The following KIRREL3 variants were observed in gnomAD, a reference collection of about 807,000 sequenced individuals.
KIRREL3 encodes kirre like nephrin family adhesion molecule 3.
KIRREL3 carries 36 observed loss-of-function variants against 89.7 expected under a neutral mutation model. That is an observed-to-expected ratio of 0.40 (90% CI 0.31 to 0.53). The LOEUF (loss-of-function observed/expected upper bound fraction) is 0.53. Among genes scored for constraint, KIRREL3 ranks in the 20% least tolerant of loss-of-function variants. The pLI, the probability that KIRREL3 is intolerant of heterozygous loss-of-function variation, is 0.49. For missense variants in KIRREL3, 864 were observed against 1,056.6 expected (o/e 0.82, Z 2.53); for synonymous variants, 445 against 441.4 (o/e 1.01, Z -0.10).
At position 126,879,681 on chromosome 11, in the gene KIRREL3, T is replaced by C. The variant is rs1945421868; in HGVS notation, c.55+120774A>G. Reference sequence around the variant, plus strand: ...TCTCAAAAGAATGGAGAGATAGCCTTGATATTTGTGGTTCAGTCATTTAAC... The same window carrying C: ...TCTCAAAAGAATGGAGAGATAGCCTCGATATTTGTGGTTCAGTCATTTAAC... On this transcript the variant is annotated intron_variant, in intron 1 of 16. Transcript: ENST00000525144. This position sits in a 1 kb window ranked among gnomAD's most constrained non-coding sequence, Gnocchi z 5.4. Among the ~76,000 whole-genome samples, 1 of 152,206 alleles carries C rather than the reference T, an allele frequency of 6.6e-6. No individual in the cohort carries two copies. Among genetic ancestry groups the C allele is most frequent in the Non-Finnish European group, 1.5e-5 (1 of 68,040 alleles).
At position 126,870,083 on chromosome 11, in the gene KIRREL3, G is replaced by A. The variant is rs933451954; in HGVS notation, c.55+130372C>T. 1.7e-4 allele frequency among the ~76,000 whole-genome samples: 26 copies of A among 152,294 alleles called. No individual in the cohort carries two copies. The highest frequency in any genetic ancestry group is 6.0e-4 in the African/African-American group (25 of 41,566). On this transcript the variant is annotated intron_variant, in intron 1 of 16. Coordinates refer to ENST00000525144, the MANE Select transcript of KIRREL3 (RefSeq NM_032531.4). This position sits in a 1 kb window ranked among gnomAD's most constrained non-coding sequence, Gnocchi z 4.4. ...AAGTTCATTGGGCCCATGTACAGCT[G>A]GCACTTCCTTTGAATCAGGGGCCCA...
At chr11:126,932,424 G>A (rs533334190) in intron 1 of KIRREL3, among the ~76,000 whole-genome samples, 13 of 152,142 alleles carry the variant, frequency 8.5e-5, no homozygotes, top group South Asian at 4.2e-4. Context: ...CTTGGACACC[G>A]AAAGTGGGGG....
intron 4 of KIRREL3, among the ~76,000 whole-genome samples, chr11:126,487,459 A>G (rs530033072): frequency 2.6e-5 from 4 of 152,324 alleles, no homozygotes; most frequent in African/African-American, 4.8e-5. Flanking sequence ...CTCTTGCTAC[A>G]AACACTCATT....
rs1165583669 is a variant in KIRREL3 at position 126,872,379 on chromosome 11, TCTGGGCA to T, written c.55+128069_55+128075del. On this transcript the variant is annotated intron_variant, in intron 1 of 16. Coordinates refer to ENST00000525144, the MANE Select transcript of KIRREL3 (RefSeq NM_032531.4). This position sits in a 1 kb window ranked among gnomAD's most constrained non-coding sequence, Gnocchi z 4.2. Reference sequence around the variant, plus strand: ...TTGTCAGCAGCCCATATGCTGCTATTCTGGGCATGGGCACGGGGCTTATGGGGTAGCC... The same window carrying T: ...TTGTCAGCAGCCCATATGCTGCTATTTGGGCACGGGGCTTATGGGGTAGCC... 2.6e-5 allele frequency among the ~76,000 whole-genome samples: 4 copies of T among 152,218 alleles called. No homozygotes were observed. Among genetic ancestry groups the T allele is most frequent in the Non-Finnish European group, 5.9e-5 (4 of 68,018 alleles).
At position 126,610,141 on chromosome 11, in the gene KIRREL3, A is replaced by G. The variant is rs1352560857; in HGVS notation, c.56-47229T>C. ...AATTTTGCCCTTTCACCCAGACTGG[A>G]GTGCAGCAGCAAGATCTCGGCTCAC... On this transcript the variant is annotated intron_variant, in intron 1 of 16. Transcript: ENST00000525144. This position sits in a 1 kb window ranked among gnomAD's most constrained non-coding sequence, Gnocchi z 4.6. Among the ~76,000 whole-genome samples, 1 of 151,860 alleles carries G rather than the reference A, an allele frequency of 6.6e-6. No homozygotes were observed.
At chr11:126,548,387 G>A (rs973941614) in intron 2 of KIRREL3, among the ~76,000 whole-genome samples, 9 of 152,180 alleles carry the variant, frequency 5.9e-5, no homozygotes, top group African/African-American at 1.9e-4. Context: ...CTCACACAGA[G>A]CAGGCCAGAC....
At position 126,544,588 on chromosome 11, in the gene KIRREL3, G is replaced by T. The variant is rs747725351; in HGVS notation, c.134-17901C>A. Among the ~76,000 whole-genome samples the T allele has an allele frequency of 6.6e-6, 1 of 152,154 alleles. No individual in the cohort carries two copies. Among genetic ancestry groups the T allele is most frequent in the Non-Finnish European group, 1.5e-5 (1 of 68,036 alleles). ...CTTTCCATAGAGGGTCTTTGGCTGA[G>T]AGTCTGCAGCAGGAACCCAGAGTCG... On this transcript the variant is annotated intron_variant, in intron 2 of 16. Transcript: ENST00000525144. This position sits in a 1 kb window ranked among gnomAD's most constrained non-coding sequence, Gnocchi z 5.6.
Position 126,742,444 on chromosome 11 carries a change from T to G in KIRREL3, c.56-179532A>C, listed in dbSNP as rs1275470372. Among the ~76,000 whole-genome samples, 1 of 152,114 alleles carries G rather than the reference T, an allele frequency of 6.6e-6. No homozygotes were observed. Among genetic ancestry groups the G allele is most frequent in the Non-Finnish European group, 1.5e-5 (1 of 68,022 alleles). The stretch of plus-strand genomic sequence containing the variant: ...TGGAATGGCCAACATGAAGCAGAAG[T>G]CAATCTCTTCGTCAGGCTGAATGTG... On this transcript the variant is annotated intron_variant, in intron 1 of 16. Transcript: ENST00000525144. The surrounding 1 kb of genome is among the most constrained non-coding windows in gnomAD (Gnocchi z 5.3).
chr11:126,562,089 A>G lies in KIRREL3; in HGVS notation c.133+746T>C, dbSNP rs1940169569. On this transcript the variant is annotated intron_variant, in intron 2 of 16. Transcript: ENST00000525144. The surrounding 1 kb of genome is among the most constrained non-coding windows in gnomAD (Gnocchi z 4.7). ...TAAATGGCATCCCCAGCCATTGTTT[A>G]TCTACTTTTGAATCCTGACAAATAG... Among the ~76,000 whole-genome samples, 1 of 152,202 alleles carries G rather than the reference A, an allele frequency of 6.6e-6. No homozygotes were observed. The highest frequency in any genetic ancestry group is 1.5e-5 in the Non-Finnish European group (1 of 68,040).
At chr11:126,451,271 CGTGTGCATGTGTGCGT>C (rs1210390817) in intron 7 of KIRREL3, among the ~76,000 whole-genome samples, 3 of 92,300 alleles carry the variant, frequency 3.3e-5, no homozygotes, top group African/African-American at 4.5e-5. Flanking sequence ...CTTGTGTGTC[CGTGTGCATGTGTGCGT>C]GTGTGCATGT....
Position 126,424,880 on chromosome 11 carries a change from G to A in KIRREL3, c.2037C>T (p.Tyr679=), listed in dbSNP as rs2135590541. The change falls in exon 17 of 17, where the codon TAC becomes TAT. Residue 679 remains tyrosine, a synonymous_variant. Coordinates refer to ENST00000525144, the MANE Select transcript of KIRREL3 (RefSeq NM_032531.4). The part of the protein sequence containing the change: ...VPTGMSFTNI[Y]STLSGQGRLY... ...GGCGGCCCTGGCCGCTCAGGGTGCTGTAGATGTTGGTGAAGGACATGCCTG... is the reference window on the plus strand; with the variant it reads ...GGCGGCCCTGGCCGCTCAGGGTGCTATAGATGTTGGTGAAGGACATGCCTG... 4 of 1,612,836 alleles carry A rather than the reference G, an allele frequency of 2.5e-6. No individual in the cohort carries two copies. In the East Asian group the frequency reaches 6.7e-5, roughly 27 times the overall value.
In KIRREL3 at chr11:126,811,319, T is replaced by C. The variant is rs1951379808; in HGVS notation, c.55+189136A>G. 6.6e-6 allele frequency among the ~76,000 whole-genome samples: 1 copy of C among 152,210 alleles called. No individual in the cohort carries two copies. Among genetic ancestry groups the C allele is most frequent in the African/African-American group, 2.4e-5 (1 of 41,458 alleles). On this transcript the variant is annotated intron_variant, in intron 1 of 16. Transcript: ENST00000525144. This position sits in a 1 kb window ranked among gnomAD's most constrained non-coding sequence, Gnocchi z 4.3. The stretch of plus-strand genomic sequence containing the variant: ...CTTTGACCCAGAACCGAGTGACTGT[T>C]ATGGAGCTACGAGGTCCTTGTCTGA...
At chr11:126,451,352 GTA>G (rs1491468527) in intron 7 of KIRREL3, among the ~76,000 whole-genome samples, 3 of 136,950 alleles carry the variant, frequency 2.2e-5, no homozygotes, top group Non-Finnish European at 3.2e-5. Flanking sequence ...ATGTGTGTGC[GTA>G]TGTGAGTGTG....
chr11:126,552,128 G>A (rs11220537), intron 2 of KIRREL3, among the ~76,000 whole-genome samples: 46,044 of 152,048 alleles, frequency 0.3, 9,746 homozygotes, highest in African/African-American at 0.6. Flanking sequence ...CCCATTTTTC[G>A]TTTCTTTACT....
intron 8 of KIRREL3, among the ~76,000 whole-genome samples, chr11:126,448,620 C>T (rs1375037911): frequency 6.6e-6 from 1 of 152,164 alleles, no homozygotes; most frequent in African/African-American, 2.4e-5. Context: ...GAGATTAGTG[C>T]CCTTGGAATA....
rs187856313 is a variant in KIRREL3 at position 126,904,883 on chromosome 11, G to A, written c.55+95572C>T. Among the ~76,000 whole-genome samples, 615 of 152,240 alleles carry A rather than the reference G, an allele frequency of 4.0e-3. 6 individuals are homozygous for A. Among genetic ancestry groups the A allele is most frequent in the South Asian group, 0.015 (71 of 4,822 alleles). On this transcript the variant is annotated intron_variant, in intron 1 of 16. Transcript: ENST00000525144. The surrounding 1 kb of genome is among the most constrained non-coding windows in gnomAD (Gnocchi z 4.4). Reference sequence around the variant, plus strand: ...TAAAAATGTTCTTTGATGGTATCTAGGACAACTCCAAGTATAGCTAAGTAT... The same window carrying A: ...TAAAAATGTTCTTTGATGGTATCTAAGACAACTCCAAGTATAGCTAAGTAT...
intron 1 of KIRREL3, among the ~76,000 whole-genome samples, chr11:126,753,116 G>A (rs1319958490): frequency 9.2e-5 from 14 of 152,170 alleles, no homozygotes; most frequent in African/African-American, 2.2e-4. Flanking sequence ...ACCAGCACTC[G>A]TCCAATAAAT....
intron 4 of KIRREL3, among the ~76,000 whole-genome samples, chr11:126,500,771 A>T (rs1957831649): frequency 6.6e-6 from 1 of 151,956 alleles, no homozygotes; most frequent in African/African-American, 2.4e-5. Context: ...GAAAAGAAAA[A>T]CAGTATATAT....
intron 1 of KIRREL3, among the ~76,000 whole-genome samples, chr11:126,826,940 A>G (rs1051509162): frequency 2.0e-5 from 3 of 152,200 alleles, no homozygotes; most frequent in Non-Finnish European, 4.4e-5. Flanking sequence ...AGTGTTGAAA[A>G]TGAGGCAGAG....
Sources: allele counts gnomAD v4.1 joint callset (sites outside exome capture counted in the v4.1 genomes callset), GRCh38; gene constraint gnomAD v4.1.1; non-coding constraint Gnocchi (gnomAD v3.1); transcripts MANE v1.5; gene names NCBI Gene and HGNC (gene_info 2026-07-23, HGNC 2026-07-21).